The following GON4L variants were observed in gnomAD, a reference collection of about 807,000 sequenced individuals.
GON4L encodes the protein gon-4 like, also known as GON-4-like protein.
GON4L carries 87 observed loss-of-function variants against 211.8 expected under a neutral mutation model. The observed-to-expected ratio is 0.41, with a 90% CI of 0.35 to 0.49. GON4L has a LOEUF of 0.49. Ranked by LOEUF, GON4L falls within the 20% of genes least tolerant of loss-of-function variation. The pLI, the probability that GON4L is intolerant of heterozygous loss-of-function variation, is 0.15. For missense variants in GON4L, 2,155 were observed against 2,659.5 expected (o/e 0.81, Z 4.17); for synonymous variants, 875 against 962.6 (o/e 0.91, Z 1.68).
chr1:155,816,044 G>A, intron 7 of GON4L, 144 bp from the exon 8 acceptor site: 1 of 711,142 alleles, frequency 1.4e-6, no homozygotes, highest in Non-Finnish European at 2.5e-6. Context: ...CGAGGCAGAG[G>A]TTAAAGTGAA....
At chr1:155,748,798 G>C, downstream of GON4L, 6 of 1,609,388 alleles carry the variant, frequency 3.7e-6, no homozygotes, top group East Asian at 1.3e-4. Flanking sequence ...GGTGAGAGCT[G>C]TTGGTCCTTA....
At chr1:155,816,774 A>T (rs28480317) in intron 6 of GON4L, among the ~76,000 whole-genome samples, 60 of 3,048 alleles carry the variant, frequency 0.02, 1 homozygote, top group East Asian at 0.071. Flanking sequence ...TTTTTTTCTT[A>T]AAAAAAAAAA....
Position 155,816,361 on chromosome 1 carries a change from C to A in GON4L, c.1015-99G>T, listed in dbSNP as rs1284288909. Reference sequence around the variant, plus strand: ...CCATCACTAACAGCCATATACTTAACAAGTAACTGCAGTGATCTAGAGGTG... The same window carrying A: ...CCATCACTAACAGCCATATACTTAAAAAGTAACTGCAGTGATCTAGAGGTG... On this transcript the variant is annotated intron_variant, in intron 6 of 31. Coordinates refer to ENST00000368331, the MANE Select transcript of GON4L (RefSeq NM_001282860.2). 18 of 675,352 alleles carry A rather than the reference C, an allele frequency of 2.7e-5. No homozygotes were observed. In the Middle Eastern group the frequency reaches 7.6e-4, roughly 29 times the overall value. The allele number at this position is 675,352 out of a possible 1,614,324, so 41.8% of individuals were successfully genotyped here.
chr1:155,784,189 T>C, intron 13 of GON4L, 100 bp from the exon 14 acceptor site: 1 of 1,494,816 alleles, frequency 6.7e-7, no homozygotes, highest in Non-Finnish European at 9.3e-7. Flanking sequence ...TACAAGACTA[T>C]AATAATGCTG....
intron 6 of GON4L, among the ~76,000 whole-genome samples, chr1:155,819,059 G>A (rs1027033097): frequency 5.9e-5 from 9 of 152,120 alleles, no homozygotes; most frequent in Admixed American, 2.0e-4. Flanking sequence ...GGAGGCCAAG[G>A]CGGGCAGATG....
intron 10 of GON4L, among the ~76,000 whole-genome samples, chr1:155,811,391 CAAAAA>C (rs777417019): frequency 9.0e-5 from 3 of 33,168 alleles, no homozygotes; most frequent in African/African-American, 1.8e-4. Context: ...GACTCCGTCT[CAAAAA>C]AAAAAAAAAA....
downstream of GON4L, chr1:155,748,466 C>T (rs1660342014): frequency 6.2e-6 from 10 of 1,609,044 alleles, no homozygotes; most frequent in East Asian, 4.5e-5. Flanking sequence ...TGTTCCTTAT[C>T]GCCTGTGTTC....
intron 10 of GON4L, among the ~76,000 whole-genome samples, chr1:155,808,951 T>C (rs951527929): frequency 6.6e-6 from 1 of 152,092 alleles, no homozygotes. Flanking sequence ...TCTCATACTA[T>C]TACCCATGCT....
At chr1:155,757,131 C>T (rs1197907397) in intron 26 of GON4L, 49 bp downstream of exon 26, 21 of 1,613,856 alleles carry the variant, frequency 1.3e-5, no homozygotes, top group Admixed American at 1.7e-5. Context: ...ATCCCTCCCA[C>T]GTGTGGCCTT....
chr1:155,810,172 T>C (rs1571825663), intron 10 of GON4L, among the ~76,000 whole-genome samples: 1 of 150,604 alleles, frequency 6.6e-6, no homozygotes, highest in East Asian at 1.9e-4. Context: ...ATTTTTGTAT[T>C]TTTAGTGGAG....
Position 155,752,438 on chromosome 1 carries a change from C to A in GON4L, c.5995G>T (p.Val1999Phe). The A allele has an allele frequency of 6.4e-7, 1 of 1,571,454 alleles. No homozygotes were observed. The highest frequency in any genetic ancestry group is 8.6e-7 in the Non-Finnish European group (1 of 1,158,054). Residue 1999 changes from valine to phenylalanine, a missense_variant, in exon 30 of 32, where the codon GTT (valine) becomes TTT (phenylalanine). Val to Phe is a conservative substitution (Grantham distance 50). Around this residue, in one of 6 missense-constraint regions of GON4L, gnomAD observed 186 missense variants for 308.1 expected, o/e 0.60. Transcript: ENST00000368331. The part of the protein sequence containing the change: ...AVLYTVKRNQ[V>F]GPEVRSCPKA... ...GGGCAGGAGCGAACCTCAGGCCCAA[C>A]CTGGTTTCTCTTAACAGTGTACAGT...
intron 12 of GON4L, among the ~76,000 whole-genome samples, 173 bp from the exon 13 acceptor site, chr1:155,785,547 C>T (rs1398983132): frequency 6.6e-6 from 1 of 152,098 alleles, no homozygotes; most frequent in Non-Finnish European, 1.5e-5. Flanking sequence ...CGCAGTGGCA[C>T]GATCTCAGCT....
intron 10 of GON4L, among the ~76,000 whole-genome samples, chr1:155,809,415 T>C (rs1667470522): frequency 6.6e-6 from 1 of 151,546 alleles, no homozygotes; most frequent in Non-Finnish European, 1.5e-5. Context: ...GTTTGGTAAA[T>C]AAATGATTAC....
intron 20 of GON4L, among the ~76,000 whole-genome samples, chr1:155,766,927 T>G (rs1662558187): frequency 2.0e-5 from 3 of 152,134 alleles, no homozygotes; most frequent in Non-Finnish European, 4.4e-5. Context: ...GTGCCTGTAA[T>G]CCCAGCTACT....
chr1:155,782,937 G>T (rs1664571151), intron 14 of GON4L, among the ~76,000 whole-genome samples: 1 of 152,108 alleles, frequency 6.6e-6, no homozygotes, highest in African/African-American at 2.4e-5. Flanking sequence ...GGGATTACAG[G>T]CATGAGCCAC....
At chr1:155,783,160 A>G (rs1486124485) in intron 14 of GON4L, among the ~76,000 whole-genome samples, 2 of 152,126 alleles carry the variant, frequency 1.3e-5, no homozygotes, top group African/African-American at 2.4e-5. Context: ...TTGTATTGTG[A>G]TATTTGTTGT....
chr1:155,841,218 T>C (rs1325672681), intron 2 of GON4L, among the ~76,000 whole-genome samples: 2 of 152,248 alleles, frequency 1.3e-5, no homozygotes, highest in Admixed American at 6.5e-5. Flanking sequence ...TATGACTTTT[T>C]TGTTTGAAAC....
At chr1:155,826,616 A>G (rs1256585295) in intron 3 of GON4L, among the ~76,000 whole-genome samples, 2 of 151,886 alleles carry the variant, frequency 1.3e-5, no homozygotes, top group East Asian at 3.9e-4. Flanking sequence ...AGACATCAGG[A>G]TAGTGGTTAA....
downstream of GON4L, chr1:155,748,318 G>A (rs1571595441): frequency 2.8e-6 from 4 of 1,412,828 alleles, no homozygotes; most frequent in South Asian, 3.6e-5. Flanking sequence ...CATCCCCTGG[G>A]TCTCTCTGGT....
Sources: allele counts gnomAD v4.1 joint callset (sites outside exome capture counted in the v4.1 genomes callset), GRCh38; gene constraint gnomAD v4.1.1; regional missense constraint gnomAD v4.1.1; transcripts MANE v1.5; gene names NCBI Gene and HGNC (gene_info 2026-07-23, HGNC 2026-07-21).